Variants in EXOC4 observed in about 807,000 individuals in gnomAD.
EXOC4 encodes the protein exocyst complex component 4.
In EXOC4, 71 loss-of-function variants were observed where a neutral mutation model predicts 107.2. The observed-to-expected ratio is 0.66, with a 90% CI of 0.55 to 0.81. EXOC4 has a LOEUF of 0.81. Ranked by LOEUF, EXOC4 falls within the 30% of genes least tolerant of loss-of-function variation. EXOC4 has a pLI of 0.00. For synonymous variants in EXOC4, 456 were observed against 441.2 expected (o/e 1.03, Z -0.42); for missense variants, 1,108 against 1,189.6 (o/e 0.93, Z 1.01).
At chr7:133,680,321 G>A (rs1794158733) in intron 10 of EXOC4, among the ~76,000 whole-genome samples, 1 of 151,976 alleles carries the variant, frequency 6.6e-6, no homozygotes, top group Admixed American at 6.6e-5. Flanking sequence ...TTCTTCTAAA[G>A]TTGATTTAAC....
intron 9 of EXOC4, among the ~76,000 whole-genome samples, chr7:133,522,236 C>T (rs980250045): frequency 1.2e-4 from 18 of 152,188 alleles, no homozygotes; most frequent in African/African-American, 4.1e-4. Flanking sequence ...GTTTGAGTCT[C>T]TCTGAGATGC....
intron 11 of EXOC4, among the ~76,000 whole-genome samples, chr7:133,880,109 C>T (rs954919006): frequency 2.6e-5 from 4 of 152,174 alleles, no homozygotes; most frequent in African/African-American, 4.8e-5. Flanking sequence ...CAAACCTCCC[C>T]GTCCTCCAGA....
At chr7:134,074,976 G>C in the EXOC4 span, among the ~76,000 whole-genome samples, 1 of 151,996 alleles carries the variant, frequency 6.6e-6, no homozygotes, top group South Asian at 2.1e-4. Flanking sequence ...TGAGATGAAG[G>C]TATGCAGTTT....
intron 7 of EXOC4, among the ~76,000 whole-genome samples, chr7:133,395,496 G>A (rs534925116): frequency 5.5e-4 from 84 of 152,048 alleles, no homozygotes; most frequent in African/African-American, 2.0e-3. Context: ...CCTGATCTGT[G>A]GCCAGCTGGG....
At chr7:133,766,331 C>A (rs148945336) in intron 10 of EXOC4, among the ~76,000 whole-genome samples, 48 of 152,028 alleles carry the variant, frequency 3.2e-4, no homozygotes, top group African/African-American at 1.1e-3. Context: ...ACTGTATGTG[C>A]TTGTGTTAAT....
chr7:133,458,204 C>T (rs1798507702), intron 7 of EXOC4, among the ~76,000 whole-genome samples: 1 of 152,152 alleles, frequency 6.6e-6, no homozygotes, highest in African/African-American at 2.4e-5. Context: ...TACCTAGCTC[C>T]TCTGAAGCTG....
intron 11 of EXOC4, among the ~76,000 whole-genome samples, chr7:133,817,753 A>C (rs989488100): frequency 6.6e-6 from 1 of 152,128 alleles, no homozygotes; most frequent in Admixed American, 6.5e-5. Flanking sequence ...TAAAAAAAAA[A>C]ACGGTTAGCT....
At chr7:133,574,244 C>A (rs529679782) in intron 9 of EXOC4, among the ~76,000 whole-genome samples, 33 of 152,058 alleles carry the variant, frequency 2.2e-4, no homozygotes, top group African/African-American at 7.7e-4. Flanking sequence ...TGTATACATG[C>A]ATAATCATAT....
chr7:134,032,928 G>A (rs950462465), intron 17 of EXOC4, among the ~76,000 whole-genome samples: 1 of 152,190 alleles, frequency 6.6e-6, no homozygotes, highest in African/African-American at 2.4e-5. Flanking sequence ...AACAAAGCTT[G>A]TAAGGTTTAG....
chr7:133,429,093 G>A (rs975761827), intron 7 of EXOC4, among the ~76,000 whole-genome samples: 2 of 152,112 alleles, frequency 1.3e-5, no homozygotes, highest in South Asian at 2.1e-4. Context: ...TTGACAGCAC[G>A]GGTTGGAAGA....
At chr7:133,265,587 C>T (rs1233852826) in intron 1 of EXOC4, among the ~76,000 whole-genome samples, 24 of 152,082 alleles carry the variant, frequency 1.6e-4, no homozygotes, top group Admixed American at 1.4e-3. Flanking sequence ...GTAGATTGTG[C>T]TCTGTAGAGC....
At chr7:133,668,530 C>T (rs1219064733) in intron 10 of EXOC4, among the ~76,000 whole-genome samples, 1 of 152,200 alleles carries the variant, frequency 6.6e-6, no homozygotes, top group Non-Finnish European at 1.5e-5. Flanking sequence ...CTTTGCAACA[C>T]AGGTTTATCC....
chr7:133,913,841 C>T (rs1488161529), intron 12 of EXOC4, among the ~76,000 whole-genome samples: 1 of 152,054 alleles, frequency 6.6e-6, no homozygotes, highest in Admixed American at 6.5e-5. Context: ...GATGAGACTG[C>T]CCAAGTCAGC....
Position 134,064,617 on chromosome 7 carries a change from T to G in EXOC4, c.*89T>G, listed in dbSNP as rs1796144092. ...TTATTGAGTATATTCTGAGCTTAGTTTTCTCTACAGTGATACTTTAGTGGA... is the reference window on the plus strand; with the variant it reads ...TTATTGAGTATATTCTGAGCTTAGTGTTCTCTACAGTGATACTTTAGTGGA... On this transcript the variant is annotated 3_prime_UTR_variant, in exon 18 of 18. Transcript: ENST00000253861. The G allele has an allele frequency of 1.1e-6, 1 of 888,424 alleles. No homozygotes were observed. Among genetic ancestry groups the G allele is most frequent in the Admixed American group, 2.5e-5 (1 of 39,842 alleles). 55.0% of individuals were successfully genotyped at this position (888,424 alleles called of 1,614,324 possible).
intron 9 of EXOC4, among the ~76,000 whole-genome samples, chr7:133,556,073 C>G (rs1020025296): frequency 2.0e-5 from 3 of 152,196 alleles, no homozygotes; most frequent in Non-Finnish European, 2.9e-5. Context: ...AACCTGTTCT[C>G]TCCTAGAAGG....
chr7:133,406,498 G>A (rs1353215054), intron 7 of EXOC4, among the ~76,000 whole-genome samples: 1 of 152,030 alleles, frequency 6.6e-6, no homozygotes, highest in African/African-American at 2.4e-5. Context: ...TTCTGGAATT[G>A]TATTTTTTTA....
intron 10 of EXOC4, among the ~76,000 whole-genome samples, chr7:133,669,595 G>GACTA (rs3076787): frequency 6.6e-6 from 1 of 151,920 alleles, no homozygotes; most frequent in Non-Finnish European, 1.5e-5. Context: ...CTAAATGCCT[G>GACTA]TGTTTAACAT....
intron 8 of EXOC4, among the ~76,000 whole-genome samples, chr7:133,477,359 A>C (rs920569018): frequency 6.6e-6 from 1 of 152,144 alleles, no homozygotes; most frequent in Non-Finnish European, 1.5e-5. Flanking sequence ...TCTTTTGACT[A>C]TCTCCATAAG....
At chr7:133,473,645 TAGTC>T (rs1584944918) in intron 7 of EXOC4, among the ~76,000 whole-genome samples, 1 of 152,176 alleles carries the variant, frequency 6.6e-6, no homozygotes, top group Non-Finnish European at 1.5e-5. Flanking sequence ...TCTTTACTTT[TAGTC>T]AGTGTGTCTT....
Sources: allele counts gnomAD v4.1 joint callset (sites outside exome capture counted in the v4.1 genomes callset), GRCh38; gene constraint gnomAD v4.1.1; transcripts MANE v1.5; gene names NCBI Gene and HGNC (gene_info 2026-07-23, HGNC 2026-07-21).